The following PCDH15 variants were observed in gnomAD, a reference collection of about 807,000 sequenced individuals.
The protein encoded by PCDH15 is protocadherin-15.
In PCDH15, 129 loss-of-function variants were observed where a neutral mutation model predicts 178.5. The observed-to-expected ratio is 0.72, with a 90% CI of 0.63 to 0.84. The LOEUF (loss-of-function observed/expected upper bound fraction) is 0.84. PCDH15 is among the 40% of genes least tolerant of loss of function. The pLI is 0.00. For missense variants in PCDH15, 2,230 were observed against 2,099.9 expected (o/e 1.06, Z -1.21); for synonymous variants, 800 against 732.0 (o/e 1.09, Z -1.50).
intron 2 of PCDH15, among the ~76,000 whole-genome samples, chr10:55,514,666 A>G (rs1314834089): frequency 6.6e-6 from 1 of 152,158 alleles, no homozygotes; most frequent in Non-Finnish European, 1.5e-5. Context: ...CTGAGCACGT[A>G]TTGTGTCCCT....
intron 2 of PCDH15, among the ~76,000 whole-genome samples, chr10:55,033,819 G>A (rs1370311848): frequency 7.9e-5 from 12 of 152,106 alleles, no homozygotes; most frequent in African/African-American, 2.4e-5. Flanking sequence ...TGTCCTCTCC[G>A]AAATTCAGGC....
At chr10:54,808,912 G>A (rs1165130174) in intron 3 of PCDH15, among the ~76,000 whole-genome samples, 2 of 150,954 alleles carry the variant, frequency 1.3e-5, no homozygotes, top group East Asian at 3.9e-4. Context: ...GGCTGATTTA[G>A]CTCTAGAGAG....
At chr10:54,811,039 C>A (rs1160342055) in intron 3 of PCDH15, among the ~76,000 whole-genome samples, 1 of 151,910 alleles carries the variant, frequency 6.6e-6, no homozygotes, top group African/African-American at 2.4e-5. Flanking sequence ...CATCTATAGT[C>A]GTAAGTTTGA....
intron 32 of PCDH15, chr10:53,823,280 C>CACAACTTGTTGATGTTTCCTGTCTTCT (rs761820306): frequency 1.9e-6 from 3 of 1,614,034 alleles, no homozygotes; most frequent in Non-Finnish European, 2.5e-6. Context: ...AAAAGGGCAT[C>CACAACTTGTTGATGTTTCCTGTCTTCT]ACAACTTGTT....
intron 1 of PCDH15, among the ~76,000 whole-genome samples, chr10:55,198,163 A>G (rs1229804860): frequency 6.6e-6 from 1 of 152,120 alleles, no homozygotes; most frequent in African/African-American, 2.4e-5. Flanking sequence ...CTGTTAAGGT[A>G]GCTGATAATT....
intron 2 of PCDH15, among the ~76,000 whole-genome samples, chr10:55,510,715 G>T (rs909828085): frequency 6.6e-6 from 1 of 151,646 alleles, no homozygotes; most frequent in African/African-American, 2.4e-5. Context: ...CTTCTGCTGA[G>T]ACCTCAAACT....
intron 3 of PCDH15, among the ~76,000 whole-genome samples, chr10:54,390,764 T>C (rs1478482114): frequency 2.6e-5 from 4 of 152,176 alleles, no homozygotes; most frequent in African/African-American, 9.7e-5. Context: ...CAAATATAGT[T>C]ACTGTAAGGC....
At chr10:54,192,425 A>G (rs2049129485) in intron 11 of PCDH15, among the ~76,000 whole-genome samples, 1 of 152,090 alleles carries the variant, frequency 6.6e-6, no homozygotes, top group South Asian at 2.1e-4. Context: ...AGATTAAATA[A>G]ATAATTAGGG....
intron 5 of PCDH15, among the ~76,000 whole-genome samples, chr10:54,355,696 T>C (rs571722872): frequency 1.3e-5 from 2 of 152,136 alleles, no homozygotes; most frequent in South Asian, 4.1e-4. Context: ...AGACATAAAA[T>C]CAAATTAGCC....
At chr10:54,269,948 C>T (rs1329488625) in intron 8 of PCDH15, among the ~76,000 whole-genome samples, 2 of 151,656 alleles carry the variant, frequency 1.3e-5, no homozygotes, top group Non-Finnish European at 2.9e-5. Flanking sequence ...ATGATTATGC[C>T]CATAATTATA....
chr10:54,884,964 C>T (rs941024097), intron 3 of PCDH15, among the ~76,000 whole-genome samples: 2 of 151,858 alleles, frequency 1.3e-5, no homozygotes, highest in African/African-American at 4.8e-5. Flanking sequence ...TCTCCATTTC[C>T]TTCACTTTCT....
At chr10:55,617,023 G>A (rs1589189792) in intron 2 of PCDH15, among the ~76,000 whole-genome samples, 1 of 151,888 alleles carries the variant, frequency 6.6e-6, no homozygotes, top group Non-Finnish European at 1.5e-5. Context: ...CATTAAAATG[G>A]TAGCTAAGCT....
chr10:53,997,940 T>C (rs1008761355), intron 20 of PCDH15, among the ~76,000 whole-genome samples: 2 of 152,188 alleles, frequency 1.3e-5, no homozygotes, highest in Non-Finnish European at 2.9e-5. Context: ...TAGTTGCATA[T>C]AGTTTTTCCA....
intron 1 of PCDH15, among the ~76,000 whole-genome samples, chr10:54,710,012 A>G (rs141420210): frequency 6.8e-4 from 103 of 151,124 alleles, no homozygotes; most frequent in Non-Finnish European, 1.3e-3. Context: ...AAATATGTAT[A>G]TATTACATAT....
At chr10:55,416,901 A>G (rs377731979) in intron 2 of PCDH15, among the ~76,000 whole-genome samples, 2 of 151,880 alleles carry the variant, frequency 1.3e-5, no homozygotes, top group East Asian at 3.9e-4. Context: ...GCCCTCTTGG[A>G]TAAATAAAAA....
At chr10:54,090,763 T>G (rs1565232627) in intron 15 of PCDH15, among the ~76,000 whole-genome samples, 5 of 152,190 alleles carry the variant, frequency 3.3e-5, no homozygotes, top group African/African-American at 4.8e-5. Flanking sequence ...CAGTCTAACT[T>G]TCTGGTTAAA....
chr10:55,557,691 G>T (rs1326348611), intron 2 of PCDH15, among the ~76,000 whole-genome samples: 1 of 152,144 alleles, frequency 6.6e-6, no homozygotes, highest in Non-Finnish European at 1.5e-5. Context: ...GGGTTTCAGA[G>T]TAATGAAGGA....
At chr10:53,958,781 C>G (rs921311284) in intron 23 of PCDH15, among the ~76,000 whole-genome samples, 13 of 151,752 alleles carry the variant, frequency 8.6e-5, no homozygotes, top group Admixed American at 8.5e-4. Flanking sequence ...AGATCGAGAC[C>G]ATCCTGGCTA....
At chr10:55,473,878 A>G (rs191281643) in intron 2 of PCDH15, among the ~76,000 whole-genome samples, 2 of 152,310 alleles carry the variant, frequency 1.3e-5, no homozygotes, top group East Asian at 3.9e-4. Flanking sequence ...TTTATGCATT[A>G]CCTTTCTTAT....
Sources: gnomAD v4.1 joint callset for allele counts (sites outside exome capture counted in the v4.1 genomes callset) on GRCh38, gnomAD v4.1.1 for gene constraint, MANE v1.5 for transcripts, NCBI Gene and HGNC (gene_info 2026-07-23, HGNC 2026-07-21) for gene names.